Variants in TIAM2 observed in about 807,000 individuals in gnomAD.
TIAM2 encodes TIAM Rac1 associated GEF 2, also known as rho guanine nucleotide exchange factor TIAM2.
Under a neutral mutation model 152.9 loss-of-function variants are expected in TIAM2, and 80 were observed. The observed-to-expected ratio is 0.52, with a 90% CI of 0.44 to 0.63. The LOEUF (loss-of-function observed/expected upper bound fraction) is 0.63. Ranked by LOEUF, TIAM2 falls within the 30% of genes least tolerant of loss-of-function variation. The pLI, the probability that TIAM2 is intolerant of heterozygous loss-of-function variation, is 0.00. For missense variants in TIAM2, 1,965 were observed against 2,120.1 expected (o/e 0.93, Z 1.44); for synonymous variants, 804 against 838.0 (o/e 0.96, Z 0.70).
chr6:155,116,026 C>T (rs2115015488), intron 2 of TIAM2, among the ~76,000 whole-genome samples: 2 of 152,304 alleles, frequency 1.3e-5, no homozygotes, highest in Admixed American at 1.3e-4. Context: ...TTGCTTGAAC[C>T]TGGCAGGCAG....
chr6:155,097,221 T>G (rs1778434299), intron 2 of TIAM2, among the ~76,000 whole-genome samples: 1 of 152,244 alleles, frequency 6.6e-6, no homozygotes, highest in African/African-American at 2.4e-5. Flanking sequence ...TGTTGAGTAG[T>G]TTGAGCTCTT....
chr6:155,068,632 AT>A (rs1238624256), intron 1 of TIAM2, among the ~76,000 whole-genome samples: 1 of 136,018 alleles, frequency 7.4e-6, no homozygotes. Flanking sequence ...TAATTTTTGT[AT>A]TTTTGTAGAG....
At chr6:155,225,081 A>T (rs961741220) in intron 15 of TIAM2, among the ~76,000 whole-genome samples, 1 of 152,132 alleles carries the variant, frequency 6.6e-6, no homozygotes, top group Non-Finnish European at 1.5e-5. Context: ...TCAGCCTCGC[A>T]TGTAGCTGGG....
At chr6:155,026,249 A>G (rs143788458) in intron 1 of TIAM2, among the ~76,000 whole-genome samples, 1 of 152,344 alleles carries the variant, frequency 6.6e-6, no homozygotes, top group East Asian at 1.9e-4. Context: ...GTTAAACAGT[A>G]TTCCCCTTAG....
At chr6:155,254,266 C>A in intron 25 of TIAM2, 153 bp from the exon 26 acceptor site, 1 of 1,069,282 alleles carries the variant, frequency 9.4e-7, no homozygotes, top group Non-Finnish European at 1.3e-6. Flanking sequence ...TTCTCACCTC[C>A]TTCTGTACGG....
intron 1 of TIAM2, among the ~76,000 whole-genome samples, chr6:155,089,261 A>G (rs1011588039): frequency 6.6e-6 from 1 of 152,014 alleles, no homozygotes; most frequent in Non-Finnish European, 1.5e-5. Context: ...TCTGTCACCC[A>G]GGCTGGAGTG....
intron 15 of TIAM2, among the ~76,000 whole-genome samples, chr6:155,224,955 ATTTG>A (rs746662314): frequency 1.1e-4 from 17 of 151,890 alleles, no homozygotes; most frequent in East Asian, 1.9e-4. Flanking sequence ...TTTTCTATTT[ATTTG>A]TTTGTTTGTT....
intron 14 of TIAM2, among the ~76,000 whole-genome samples, chr6:155,194,922 G>C (rs999214790): frequency 1.3e-5 from 2 of 152,040 alleles, no homozygotes; most frequent in African/African-American, 2.4e-5. Flanking sequence ...TTTTATAAGG[G>C]GCTTCCCCCT....
At chr6:155,095,162 T>C (rs1778393267) in intron 2 of TIAM2, among the ~76,000 whole-genome samples, 1 of 152,126 alleles carries the variant, frequency 6.6e-6, no homozygotes, top group African/African-American at 2.4e-5. Context: ...TCCCCAATCC[T>C]CCCTAGACTT....
intron 14 of TIAM2, among the ~76,000 whole-genome samples, chr6:155,197,279 C>A (rs1312168887): frequency 6.6e-6 from 1 of 152,238 alleles, no homozygotes; most frequent in East Asian, 1.9e-4. Flanking sequence ...TTCTGTCTTT[C>A]ATGTTTCAGT....
Position 155,050,948 on chromosome 6 carries a change from A to AGAT in TIAM2, c.-208-39339_-208-39337dup, listed in dbSNP as rs113151084. On this transcript the variant is annotated intron_variant, in intron 1 of 26. Transcript: ENST00000682666. ...TATCTAATCACCATAGTTGTTCTCA[A>AGAT]GATGTAACAGAATTTTATCAACTTC... 5.6e-3 allele frequency among the ~76,000 whole-genome samples: 846 copies of AGAT among 152,268 alleles called. 9 individuals are homozygous for AGAT. Among genetic ancestry groups the AGAT allele is most frequent in the African/African-American group, 0.019 (802 of 41,550 alleles).
In TIAM2 at chr6:155,046,445, C is replaced by G. The variant is rs191389708; in HGVS notation, c.-208-43844C>G. Among the ~76,000 whole-genome samples, 145 of 149,548 alleles carry G rather than the reference C, an allele frequency of 9.7e-4. 1 individual carries two copies. The highest frequency in any genetic ancestry group is 1.5e-3 in the Non-Finnish European group (101 of 67,710). ...CCGCCTCCCAGGTTCAAGTGATTCT[C>G]CTGTCTCAGCCTCCCGAGTAGCTGG... On this transcript the variant is annotated intron_variant, in intron 1 of 26. Coordinates refer to ENST00000682666, the MANE Select transcript of TIAM2 (RefSeq NM_012454.4).
chr6:155,250,847 A>G (rs1165408913), intron 21 of TIAM2, 66 bp from the exon 22 acceptor site: 18 of 1,490,858 alleles, frequency 1.2e-5, no homozygotes, highest in South Asian at 2.3e-5. Context: ...GTACATCACT[A>G]TCTAACAAGA....
At chr6:155,083,252 G>A (rs892619024) in intron 1 of TIAM2, among the ~76,000 whole-genome samples, 14 of 151,768 alleles carry the variant, frequency 9.2e-5, no homozygotes, top group African/African-American at 3.4e-4. Flanking sequence ...AGGAGGCCGA[G>A]GCAGGAGAAT....
At position 155,148,271 on chromosome 6, in the gene TIAM2, G is replaced by A. The variant is rs776323082; in HGVS notation, c.1965G>A (p.Lys655=). 2.5e-6 allele frequency: 4 copies of A among 1,612,512 alleles called. No homozygotes were observed. The East Asian group carries it at 8.9e-5, about 36-fold the overall frequency. Residue 655 remains lysine, a synonymous_variant, in exon 7 of 27, where the codon AAG becomes AAA. Transcript: ENST00000682666. The stretch of plus-strand genomic sequence containing the variant: ...TAGACATGGACAGCAAGATGAAGAA[G>A]ATGGCAGAGCTGCAGCTGTCCGTGG... ...QKIDMDSKMK[K]MAELQLSVVS...
In TIAM2 at chr6:155,129,340, G is replaced by A; in HGVS notation, c.117G>A (p.Glu39=). ...SLKIRGIHAK[E]EKSLHGWGHG... is the part of the protein sequence containing the mutation. ...AAATACGTGGCATTCATGCAAAAGA[G>A]GAAAAGTCATTGCATGGATGGGGTC... Residue 39 remains glutamate, a synonymous_variant, in exon 4 of 27, where the codon GAG becomes GAA. Transcript: ENST00000682666. The surrounding 1 kb of genome is among the most constrained non-coding windows in gnomAD (Gnocchi z 4.8). 1.2e-6 allele frequency: 2 copies of A among 1,614,162 alleles called. No homozygotes were observed. The highest frequency in any genetic ancestry group is 8.5e-7 in the Non-Finnish European group (1 of 1,180,040).
chr6:155,047,942 G>A (rs1336172882), intron 1 of TIAM2, among the ~76,000 whole-genome samples: 1 of 152,020 alleles, frequency 6.6e-6, no homozygotes, highest in African/African-American at 2.4e-5. Flanking sequence ...GCCTCAGCAA[G>A]GGTTATTTTA....
chr6:155,016,748 A>C (rs1383479017), intron 1 of TIAM2, among the ~76,000 whole-genome samples: 2 of 150,512 alleles, frequency 1.3e-5, no homozygotes, highest in East Asian at 3.9e-4. Context: ...AAATACAAAA[A>C]AATTAGCCAG....
rs1237469585 is a variant in TIAM2 at position 155,157,452 on chromosome 6, C to CT, written c.2029-6951dup. 3.8e-3 allele frequency among the ~76,000 whole-genome samples: 550 copies of CT among 143,776 alleles called. 21 individuals are homozygous for CT. In the East Asian group the frequency reaches 0.085, roughly 22 times the overall value. The allele number at this position is 143,776 out of a possible 152,430, so 94.3% of individuals were successfully genotyped here. A position where few individuals can be genotyped will look rare whatever the true frequency, so the allele number is the denominator to read the frequency against. Reference sequence around the variant, plus strand: ...AAGTATATTTCTTTTCTTTTTCTTTCTTTTTTTTTTTTAGAATTAAAAATT... The same window carrying CT: ...AAGTATATTTCTTTTCTTTTTCTTTCTTTTTTTTTTTTTAGAATTAAAAATT... On this transcript the variant is annotated intron_variant, in intron 7 of 26. Transcript: ENST00000682666.
Sources: gnomAD v4.1 joint callset for allele counts (sites outside exome capture counted in the v4.1 genomes callset) on GRCh38, gnomAD v4.1.1 for gene constraint, Gnocchi (gnomAD v3.1) non-coding constraint, MANE v1.5 for transcripts, NCBI Gene and HGNC (gene_info 2026-07-23, HGNC 2026-07-21) for gene names.